The following MAGI3 variants were observed in gnomAD, a reference collection of about 807,000 sequenced individuals.
MAGI3 encodes membrane-associated guanylate kinase, WW and PDZ domain-containing protein 3.
In MAGI3, 43 loss-of-function variants were observed where a neutral mutation model predicts 121.8. That is an observed-to-expected ratio of 0.35 (90% CI 0.28 to 0.46). The LOEUF (loss-of-function observed/expected upper bound fraction) is 0.46. Ranked by LOEUF, MAGI3 falls within the 20% of genes least tolerant of loss-of-function variation. The probability of loss-of-function intolerance (pLI) is 1.00; values close to 1 mark genes in which losing one functional copy is unlikely to be tolerated. For missense variants in MAGI3, 1,547 were observed against 1,797.3 expected (o/e 0.86, Z 2.52); for synonymous variants, 553 against 639.3 (o/e 0.86, Z 2.04).
chr1:113,514,078 C>T (rs1274381984), intron 1 of MAGI3, among the ~76,000 whole-genome samples: 10 of 151,964 alleles, frequency 6.6e-5, no homozygotes, highest in African/African-American at 2.2e-4. Flanking sequence ...CAATGAGATA[C>T]CATCTCACAC....
At chr1:113,402,680 T>G (rs1056131131) in intron 1 of MAGI3, among the ~76,000 whole-genome samples, 1 of 152,056 alleles carries the variant, frequency 6.6e-6, no homozygotes, top group African/African-American at 2.4e-5. Context: ...AAGAGGACAC[T>G]CAGGGTTGTG....
chr1:113,525,210 C>T (rs1658396477), intron 1 of MAGI3, among the ~76,000 whole-genome samples: 1 of 152,220 alleles, frequency 6.6e-6, no homozygotes, highest in South Asian at 2.1e-4. Flanking sequence ...GCTGTGTTCA[C>T]AATTTCCCAA....
intron 1 of MAGI3, among the ~76,000 whole-genome samples, chr1:113,528,520 G>A (rs1249541819): frequency 2.6e-5 from 4 of 152,124 alleles, no homozygotes; most frequent in South Asian, 2.1e-4. Flanking sequence ...GCATCAAATG[G>A]CTATCAGATT....
At chr1:113,614,152 G>T (rs574494025) in intron 6 of MAGI3, among the ~76,000 whole-genome samples, 1 of 152,104 alleles carries the variant, frequency 6.6e-6, no homozygotes, top group Non-Finnish European at 1.5e-5. Context: ...CACTTGAAAT[G>T]ACAAAAGTCC....
At chr1:113,467,221 A>C (rs761804880) in intron 1 of MAGI3, among the ~76,000 whole-genome samples, 1 of 151,950 alleles carries the variant, frequency 6.6e-6, no homozygotes, top group Non-Finnish European at 1.5e-5. Context: ...TCCAGAGCAT[A>C]TTGTTTAATT....
At chr1:113,480,035 G>A (rs1656036871) in intron 1 of MAGI3, among the ~76,000 whole-genome samples, 1 of 151,652 alleles carries the variant, frequency 6.6e-6, no homozygotes, top group African/African-American at 2.4e-5. Flanking sequence ...GGATTCTCTT[G>A]TAGCTCACTG....
intron 1 of MAGI3, among the ~76,000 whole-genome samples, chr1:113,456,279 A>G (rs1654753525): frequency 6.6e-6 from 1 of 151,844 alleles, no homozygotes; most frequent in Admixed American, 6.6e-5. Flanking sequence ...TTTTTCTTTA[A>G]TAGTGAGATT....
intron 6 of MAGI3, among the ~76,000 whole-genome samples, chr1:113,602,079 G>C (rs1649426784): frequency 8.0e-6 from 1 of 124,818 alleles, no homozygotes; most frequent in Non-Finnish European, 1.7e-5. Flanking sequence ...CTGTGGGGTG[G>C]GGGGAGTGGG....
At chr1:113,597,645 C>A (rs2101746158) in intron 6 of MAGI3, among the ~76,000 whole-genome samples, 1 of 152,272 alleles carries the variant, frequency 6.6e-6, no homozygotes, top group East Asian at 1.9e-4. Context: ...TTTAGAAGGA[C>A]TAAAGTACAC....
intron 1 of MAGI3, among the ~76,000 whole-genome samples, chr1:113,471,035 A>C (rs1022577818): frequency 6.6e-6 from 1 of 152,230 alleles, no homozygotes; most frequent in African/African-American, 2.4e-5. Context: ...TTCTTCTGGT[A>C]ATCTTACAGG....
intron 2 of MAGI3, among the ~76,000 whole-genome samples, chr1:113,572,007 T>C (rs1441080420): frequency 1.3e-5 from 2 of 152,200 alleles, no homozygotes; most frequent in Non-Finnish European, 2.9e-5. Context: ...TTTTGTCCAT[T>C]CAGTATGATA....
intron 1 of MAGI3, among the ~76,000 whole-genome samples, chr1:113,410,937 A>C (rs1469637680): frequency 6.6e-6 from 1 of 152,102 alleles, no homozygotes; most frequent in Non-Finnish European, 1.5e-5. Flanking sequence ...GTATGTAAAA[A>C]AGTACTATAT....
intron 1 of MAGI3, among the ~76,000 whole-genome samples, chr1:113,508,067 C>T (rs1466338709): frequency 6.6e-6 from 1 of 152,122 alleles, no homozygotes; most frequent in African/African-American, 2.4e-5. Flanking sequence ...GAAAGGAAAG[C>T]TATGTGGAGC....
chr1:113,626,367 A>G (rs1037486839), intron 9 of MAGI3, among the ~76,000 whole-genome samples: 2 of 152,172 alleles, frequency 1.3e-5, no homozygotes, highest in Admixed American at 6.5e-5. Flanking sequence ...TTACTTGCTA[A>G]TATTTTGTTG....
In MAGI3 at chr1:113,425,901, A is replaced by G. The variant is rs918313586; in HGVS notation, c.316+34552A>G. On this transcript the variant is annotated intron_variant, in intron 1 of 20. Coordinates refer to ENST00000307546, the MANE Select transcript of MAGI3 (RefSeq NM_001142782.2). Reference sequence around the variant, plus strand: ...TTGTTTAATTGATTTTTTATTTCCAATATCATTCATTTTGCTTTTATCTTT... The same window carrying G: ...TTGTTTAATTGATTTTTTATTTCCAGTATCATTCATTTTGCTTTTATCTTT... Among the ~76,000 whole-genome samples, 5 of 151,890 alleles carry G rather than the reference A, an allele frequency of 3.3e-5. No individual in the cohort carries two copies. In the East Asian group the frequency reaches 7.7e-4, roughly 23 times the overall value.
At chr1:113,602,210 C>G (rs1330686472) in intron 6 of MAGI3, among the ~76,000 whole-genome samples, 1 of 151,842 alleles carries the variant, frequency 6.6e-6, no homozygotes, top group Non-Finnish European at 1.5e-5. Flanking sequence ...TACCCTAAAA[C>G]TTAAAGTATA....
intron 6 of MAGI3, among the ~76,000 whole-genome samples, chr1:113,598,442 A>G (rs1649158000): frequency 1.3e-5 from 2 of 152,158 alleles, no homozygotes; most frequent in African/African-American, 4.8e-5. Flanking sequence ...AGATTCATCT[A>G]ACACATAAGG....
At chr1:113,440,854 A>G (rs1436944935) in intron 1 of MAGI3, among the ~76,000 whole-genome samples, 1 of 152,220 alleles carries the variant, frequency 6.6e-6, no homozygotes, top group Non-Finnish European at 1.5e-5. Context: ...TCACATAAAG[A>G]CTAAGAGTAG....
rs1381086911 is a variant in MAGI3 at position 113,682,999 on chromosome 1, A to T, written c.3431A>T (p.His1144Leu). ...TTTGCTTCCATATTTGAAGAGTCTC[A>T]CGTGCCAGTAATTGAAGAATCTTTG... Reference protein sequence around the residue: ...SHFASIFEESHVPVIEESLRV... With the variant: ...SHFASIFEESLVPVIEESLRV... Residue 1144 changes from histidine to leucine, a missense_variant, in exon 21 of 21, where the codon CAC becomes CTC. By Grantham distance (99) the His-to-Leu change is moderately conservative. Transcript: ENST00000307546. The T allele has an allele frequency of 6.2e-7, 1 of 1,613,832 alleles. No individual in the cohort carries two copies. Among genetic ancestry groups the T allele is most frequent in the African/African-American group, 1.3e-5 (1 of 74,926 alleles).
Sources: gnomAD v4.1 joint callset for allele counts (sites outside exome capture counted in the v4.1 genomes callset) on GRCh38, gnomAD v4.1.1 for gene constraint, MANE v1.5 for transcripts, NCBI Gene and HGNC (gene_info 2026-07-23, HGNC 2026-07-21) for gene names.